LRRC49: variants seen among roughly 807,000 people sequenced by gnomAD.
LRRC49 encodes the protein leucine rich repeat containing 49.
In LRRC49, 50 loss-of-function variants were observed where a neutral mutation model predicts 83.3. That is an observed-to-expected ratio of 0.60 (90% CI 0.48 to 0.76). The LOEUF (loss-of-function observed/expected upper bound fraction) is 0.76, where lower values mean the gene tolerates loss of function less well. Ranked by LOEUF, LRRC49 falls within the 30% of genes least tolerant of loss-of-function variation. LRRC49 has a pLI of 0.00. For synonymous variants in LRRC49, 286 were observed against 283.3 expected (o/e 1.01, Z -0.10); for missense variants, 704 against 809.1 (o/e 0.87, Z 1.58).
intron 13 of LRRC49, among the ~76,000 whole-genome samples, chr15:71,010,683 T>G (rs2038622020): frequency 1.3e-5 from 2 of 152,036 alleles, no homozygotes; most frequent in Non-Finnish European, 2.9e-5. Flanking sequence ...TTAGATTGAT[T>G]CTGCTAAGCT....
At chr15:70,997,377 G>A (rs571668451) in intron 11 of LRRC49, among the ~76,000 whole-genome samples, 15 of 152,186 alleles carry the variant, frequency 9.9e-5, no homozygotes, top group African/African-American at 3.6e-4. Context: ...CTGTTTGCAT[G>A]GAATATCTGT....
chr15:71,022,313 C>T (rs900694404), intron 14 of LRRC49, among the ~76,000 whole-genome samples: 2 of 152,056 alleles, frequency 1.3e-5, no homozygotes, highest in African/African-American at 4.8e-5. Flanking sequence ...GCAGAGGTTG[C>T]AGTGAGTTGA....
intron 11 of LRRC49, among the ~76,000 whole-genome samples, chr15:70,989,961 C>T (rs570042871): frequency 6.6e-6 from 1 of 152,228 alleles, no homozygotes; most frequent in South Asian, 2.1e-4. Context: ...TTGTGAACCG[C>T]GAATGCTGCT....
chr15:70,886,972 T>C (rs776352843), intron 2 of LRRC49, among the ~76,000 whole-genome samples: 2 of 152,022 alleles, frequency 1.3e-5, no homozygotes, highest in Non-Finnish European at 2.9e-5. Context: ...AATACAAGAT[T>C]ATCATGAAGG....
chr15:71,045,523 T>TA (rs911151201), intron 15 of LRRC49, among the ~76,000 whole-genome samples: 39 of 152,338 alleles, frequency 2.6e-4, no homozygotes, highest in Non-Finnish European at 4.9e-4. Context: ...TTTTTCTTTG[T>TA]AAATTTTTCC....
chr15:71,009,934 A>G lies in LRRC49; in HGVS notation c.1535A>G (p.Lys512Arg). ...CCAGTTGTCAATTTTACACTCTGGA[A>G]ATACTATGTACTGTTTAGGCTAAGC... ...GNPVVNFTLW[K>R]YYVLFRLSHF... is the part of the protein sequence containing the mutation. The change falls in exon 13 of 16, where the codon AAA becomes AGA. Residue 512 changes from lysine to arginine, a missense_variant. Around this residue, in one of 3 missense-constraint regions of LRRC49, gnomAD observed 275 missense variants for 338.0 expected, o/e 0.81. Coordinates refer to ENST00000260382, the MANE Select transcript of LRRC49 (RefSeq NM_017691.5). The G allele has an allele frequency of 6.2e-7, 1 of 1,612,318 alleles. No individual in the cohort carries two copies. The highest frequency in any genetic ancestry group is 1.1e-5 in the South Asian group (1 of 90,974).
At chr15:70,860,289 ACCCGCGGGGGAGTTTACTG>A in intron 1 of LRRC49, 1 of 537,528 alleles carries the variant, frequency 1.9e-6, no homozygotes, top group East Asian at 3.3e-5. Context: ...CCCTCAGCCC[ACCCGCGGGGGAGTTTACTG>A]CCTGGGGACA....
At chr15:70,932,374 T>A (rs74523352) in intron 7 of LRRC49, among the ~76,000 whole-genome samples, 136 of 152,316 alleles carry the variant, frequency 8.9e-4, no homozygotes, top group South Asian at 7.7e-3. Context: ...GTCTTTTTTT[T>A]AAAAAGGAAT....
intron 11 of LRRC49, among the ~76,000 whole-genome samples, chr15:70,997,463 A>AT (rs1377217788): frequency 1.3e-5 from 2 of 152,152 alleles, no homozygotes; most frequent in African/African-American, 4.8e-5. Context: ...TTAAAAAAAA[A>AT]ATCCTGGCTG....
chr15:70,868,616 T>C (rs2032961852), intron 1 of LRRC49, among the ~76,000 whole-genome samples: 4 of 152,332 alleles, frequency 2.6e-5, no homozygotes, highest in Middle Eastern at 6.8e-3. Context: ...AGGTCTAGGG[T>C]AGAGCCTGAG....
At chr15:71,049,387 A>C (rs1014704975) in intron 15 of LRRC49, 22 bp from the exon 16 acceptor site, 6 of 1,485,538 alleles carry the variant, frequency 4.0e-6, no homozygotes, top group Non-Finnish European at 5.5e-6. Flanking sequence ...TTTAATACAA[A>C]ACTTTCTCTT....
At chr15:70,911,427 GATAGAGTAA>G in intron 5 of LRRC49, 96 bp from the exon 6 acceptor site, 1 of 590,988 alleles carries the variant, frequency 1.7e-6, no homozygotes, top group Non-Finnish European at 3.0e-6. Context: ...TATATATGTA[GATAGAGTAA>G]ATTAAAATGA....
At chr15:70,977,605 A>C (rs1017083572) in intron 9 of LRRC49, among the ~76,000 whole-genome samples, 3 of 152,200 alleles carry the variant, frequency 2.0e-5, no homozygotes. Context: ...ACATTGCACC[A>C]TGGCACTCCA....
intron 8 of LRRC49, among the ~76,000 whole-genome samples, chr15:70,949,140 A>G (rs532338870): frequency 3.1e-4 from 47 of 152,312 alleles, no homozygotes; most frequent in African/African-American, 1.1e-3. Flanking sequence ...GGGCCATACA[A>G]AAACAGGTGA....
chr15:70,906,947 T>A (rs1196262359), intron 5 of LRRC49, among the ~76,000 whole-genome samples: 1 of 152,118 alleles, frequency 6.6e-6, no homozygotes, highest in East Asian at 1.9e-4. Flanking sequence ...AGAAAATGAG[T>A]CAGAAGAAAA....
rs114080260 is a variant in LRRC49 at position 70,859,128 on chromosome 15, T to C, written c.-299+5659T>C. 782 of 1,363,882 alleles carry C rather than the reference T, an allele frequency of 5.7e-4. 7 individuals are homozygous for C. The African/African-American group carries it at 0.01, about 18-fold the overall frequency. The allele number at this position is 1,363,882 out of a possible 1,614,324, so 84.5% of individuals were successfully genotyped here. A position where few individuals can be genotyped will look rare whatever the true frequency, so the allele number is the denominator to read the frequency against. ...ATGGCTCGGAACAACAAGAACAACA[T>C]GTTCCAGAGCTATATCAACAACCTT... On this transcript the variant is annotated intron_variant, in intron 1 of 16. Coordinates refer to the LRRC49 transcript ENST00000544974.
At chr15:70,939,958 G>A (rs1191456664) in intron 8 of LRRC49, among the ~76,000 whole-genome samples, 2 of 150,624 alleles carry the variant, frequency 1.3e-5, no homozygotes, top group East Asian at 2.0e-4. Context: ...TGAAGCACAC[G>A]CTTTGGGGTG....
intron 11 of LRRC49, among the ~76,000 whole-genome samples, chr15:70,995,933 A>G (rs2038060407): frequency 6.6e-6 from 1 of 152,118 alleles, no homozygotes; most frequent in South Asian, 2.1e-4. Context: ...GCATAGAGAA[A>G]GAGTTTGGGA....
chr15:71,022,963 CA>C (rs1447367862), intron 14 of LRRC49, among the ~76,000 whole-genome samples: 3 of 152,144 alleles, frequency 2.0e-5, no homozygotes, highest in Non-Finnish European at 4.4e-5. Context: ...GTTTTCTATT[CA>C]AAATGTGGTC....
Sources: allele counts gnomAD v4.1 joint callset (sites outside exome capture counted in the v4.1 genomes callset), GRCh38; gene constraint gnomAD v4.1.1; regional missense constraint gnomAD v4.1.1; transcripts MANE v1.5; gene names NCBI Gene and HGNC (gene_info 2026-07-23, HGNC 2026-07-21).